Variants in PATJ observed in about 807,000 individuals in gnomAD.
PATJ encodes the protein inaD-like protein.
In PATJ, 190 loss-of-function variants were observed where a neutral mutation model predicts 224.9. The observed-to-expected ratio is 0.84, with a 90% CI of 0.75 to 0.95. The LOEUF (loss-of-function observed/expected upper bound fraction) is 0.95. PATJ is among the 40% of genes least tolerant of loss of function. The probability of loss-of-function intolerance (pLI) is 0.00; values close to 1 mark genes in which losing one functional copy is unlikely to be tolerated. For missense variants in PATJ, 2,121 were observed against 2,270.3 expected, an observed-to-expected ratio of 0.93 and a Z score of 1.34; for synonymous variants, 769 against 820.3, an observed-to-expected ratio of 0.94 and a Z score of 1.07.
At chr1:62,043,084 G>T (rs534500039) in intron 30 of PATJ, among the ~76,000 whole-genome samples, 1 of 152,282 alleles carries the variant, frequency 6.6e-6, no homozygotes. Flanking sequence ...GACTATGTGG[G>T]TTTTGGTTTT....
intron 28 of PATJ, among the ~76,000 whole-genome samples, chr1:62,010,923 T>G (rs1190098451): frequency 1.3e-5 from 2 of 152,216 alleles, no homozygotes; most frequent in African/African-American, 2.4e-5. Context: ...TTGCTGCTTC[T>G]CCTTGCATTT....
At chr1:62,021,451 T>TTACA (rs1647075713) in intron 29 of PATJ, among the ~76,000 whole-genome samples, 2 of 152,184 alleles carry the variant, frequency 1.3e-5, no homozygotes, top group Admixed American at 1.3e-4. Context: ...TCAATTACAG[T>TTACA]GTGTGGCATA....
At chr1:62,102,591 G>A (rs540366515) in intron 33 of PATJ, among the ~76,000 whole-genome samples, 20 of 152,086 alleles carry the variant, frequency 1.3e-4, no homozygotes, top group Admixed American at 4.6e-4. Flanking sequence ...GGTGGCTCAC[G>A]CCTGTAATCT....
chr1:61,982,411 A>G lies in PATJ; in HGVS notation c.3671-7757A>G, dbSNP rs1410528794. ...ATGGCTGTGGTGTGATGAACAGGTC[A>G]CAGCACTTGGATTCAGCAGAACTGA... On this transcript the variant is annotated intron_variant, in intron 27 of 43. Coordinates refer to ENST00000642238, the MANE Select transcript of PATJ (RefSeq NM_001350145.3). Among the ~76,000 whole-genome samples, 7 of 152,062 alleles carry G rather than the reference A, an allele frequency of 4.6e-5. No individual in the cohort carries two copies. In the East Asian group the frequency reaches 1.3e-3, roughly 29 times the overall value.
intron 28 of PATJ, among the ~76,000 whole-genome samples, chr1:62,014,562 C>CTTTTTTTTTTTTTTTT: frequency 1.2e-5 from 1 of 84,518 alleles, no homozygotes; most frequent in Non-Finnish European, 2.2e-5. Flanking sequence ...CTTTTCTTTC[C>CTTTTTTTTTTTTTTTT]TTTTTTTTTT....
intron 18 of PATJ, 44 bp downstream of exon 18, chr1:61,856,283 A>G: frequency 1.4e-6 from 2 of 1,471,918 alleles, no homozygotes; most frequent in Non-Finnish European, 1.9e-6. Flanking sequence ...TAATAGTGCA[A>G]CAGTTAAAAA....
chr1:62,058,959 A>T (rs891951365), intron 31 of PATJ, among the ~76,000 whole-genome samples: 1 of 152,240 alleles, frequency 6.6e-6, no homozygotes, highest in African/African-American at 2.4e-5. Flanking sequence ...GAGATTTTCC[A>T]TAAAAATCCA....
chr1:61,796,686 CT>C (rs1416620072), intron 10 of PATJ, among the ~76,000 whole-genome samples: 1 of 22,910 alleles, frequency 4.4e-5, no homozygotes, highest in Non-Finnish European at 1.1e-4. Flanking sequence ...TTCTTTCTTT[CT>C]TTCTTTCTTT....
chr1:62,090,916 T>C (rs947166655), intron 33 of PATJ, among the ~76,000 whole-genome samples: 1 of 152,140 alleles, frequency 6.6e-6, no homozygotes, highest in Admixed American at 6.5e-5. Context: ...AAAAGATAGC[T>C]CTCCAGACTC....
At chr1:61,748,939 T>C (rs1048931496) in intron 1 of PATJ, among the ~76,000 whole-genome samples, 1 of 152,190 alleles carries the variant, frequency 6.6e-6, no homozygotes, top group African/African-American at 2.4e-5. Context: ...CCAAATGCTC[T>C]AAATTATCCT....
At chr1:61,884,212 A>G in intron 21 of PATJ, 25 bp from the exon 22 acceptor site, 1 of 1,558,212 alleles carries the variant, frequency 6.4e-7, no homozygotes, top group Non-Finnish European at 8.7e-7. Flanking sequence ...TCTTGTGTTC[A>G]CTGTCATCTG....
intron 31 of PATJ, among the ~76,000 whole-genome samples, chr1:62,075,645 G>A (rs578163359): frequency 1.9e-4 from 29 of 152,166 alleles, no homozygotes; most frequent in Admixed American, 3.3e-4. Context: ...AGGGCCGGGC[G>A]CAGTGGCTCA....
At chr1:61,990,025 TGCG>T in intron 27 of PATJ, 140 bp from the exon 28 acceptor site, 1 of 634,690 alleles carries the variant, frequency 1.6e-6, no homozygotes, top group East Asian at 2.8e-5. Context: ...CACTCCAGTC[TGCG>T]CAATATAGCA....
rs1422724714 is a variant in PATJ, at chr1:62,133,299, T to C, written c.5271+4354T>C. ...AGAAATATTTAGAAAAAATAGAATATGGCCAGGCGTGGTGGCTCATACCTG... is the reference window on the plus strand; with the variant it reads ...AGAAATATTTAGAAAAAATAGAATACGGCCAGGCGTGGTGGCTCATACCTG... On this transcript the variant is annotated intron_variant, in intron 41 of 43. Transcript: ENST00000642238. 5.3e-5 allele frequency among the ~76,000 whole-genome samples: 8 copies of C among 152,248 alleles called. No homozygotes were observed. The East Asian group carries it at 1.5e-3, about 29-fold the overall frequency.
At chr1:61,962,480 T>A (rs1419055369) in intron 27 of PATJ, among the ~76,000 whole-genome samples, 1 of 152,216 alleles carries the variant, frequency 6.6e-6, no homozygotes, top group Non-Finnish European at 1.5e-5. Flanking sequence ...AGTTTTATAG[T>A]TGAAAAAGCA....
intron 31 of PATJ, among the ~76,000 whole-genome samples, chr1:62,056,329 A>G (rs1343983229): frequency 6.6e-6 from 1 of 152,228 alleles, no homozygotes; most frequent in African/African-American, 2.4e-5. Flanking sequence ...ATATAGTAGT[A>G]TCATTTCCAT....
chr1:61,974,948 T>A (rs1029258409), intron 27 of PATJ, among the ~76,000 whole-genome samples: 1 of 151,928 alleles, frequency 6.6e-6, no homozygotes. Flanking sequence ...TGTTTTGTTT[T>A]GTTTTGTTTT....
chr1:61,870,681 T>C (rs1054158708), intron 20 of PATJ, among the ~76,000 whole-genome samples: 1 of 152,258 alleles, frequency 6.6e-6, no homozygotes, highest in East Asian at 1.9e-4. Context: ...AATGGTGTTA[T>C]GAACATTGGT....
chr1:62,066,744 G>A (rs1044404577), intron 31 of PATJ, among the ~76,000 whole-genome samples: 1 of 152,172 alleles, frequency 6.6e-6, no homozygotes, highest in Non-Finnish European at 1.5e-5. Context: ...ATGCACAGGA[G>A]AACTGGAGTT....
Sources: allele counts gnomAD v4.1 joint callset (sites outside exome capture counted in the v4.1 genomes callset), GRCh38; gene constraint gnomAD v4.1.1; transcripts MANE v1.5; gene names NCBI Gene and HGNC (gene_info 2026-07-23, HGNC 2026-07-21).